Variants in NCBP1 observed in about 807,000 individuals in gnomAD.
NCBP1 encodes nuclear cap-binding protein subunit 1.
Under a neutral mutation model 111.7 loss-of-function variants are expected in NCBP1, and 16 were observed. The ratio of observed to expected loss-of-function variants is 0.14; its 90% CI spans 0.10 to 0.22. The LOEUF is 0.22. NCBP1 is among the 10% of genes least tolerant of loss of function. The pLI is 1.00. For missense variants in NCBP1, 607 were observed against 957.5 expected (o/e 0.63, Z 4.83); for synonymous variants, 304 against 314.3 (o/e 0.97, Z 0.35).
chr9:97,665,043 G>C (rs947894367), intron 19 of NCBP1, among the ~76,000 whole-genome samples: 1 of 152,210 alleles, frequency 6.6e-6, no homozygotes, highest in Non-Finnish European at 1.5e-5. Context: ...ACAGCTGATA[G>C]GACCAGGGCA....
intron 7 of NCBP1, 118 bp downstream of exon 7, chr9:97,647,679 G>C: frequency 1.2e-6 from 1 of 848,202 alleles, no homozygotes; most frequent in Non-Finnish European, 1.9e-6. Flanking sequence ...TACATTTCAT[G>C]ATAGTTCCTT....
chr9:97,671,089 C>A lies in NCBP1; in HGVS notation c.2263C>A (p.His755Asn). The change falls in exon 23 of 23, where the codon CAC (histidine) becomes AAC (asparagine). Residue 755 changes from histidine to asparagine, a missense_variant. Coordinates refer to ENST00000375147, the MANE Select transcript of NCBP1 (RefSeq NM_002486.5). ...ACCCCCTTTTGTGTGTCCACAGCAT[C>A]ACCAAATAATCCAGCAGTACATGGT... is the stretch of plus-strand genomic sequence containing the variant. The part of the protein sequence containing the change: ...ERLQQIFLQH[H>N]QIIQQYMVTL... The A allele has an allele frequency of 3.1e-6, 5 of 1,602,906 alleles. No homozygotes were observed. Among genetic ancestry groups the A allele is most frequent in the Non-Finnish European group, 4.3e-6 (5 of 1,170,020 alleles).
At chr9:97,666,979 C>T (rs1828023633) in intron 20 of NCBP1, 102 bp downstream of exon 20, 2 of 905,402 alleles carry the variant, frequency 2.2e-6, no homozygotes, top group Non-Finnish European at 3.2e-6. Flanking sequence ...TTTTTCTGAG[C>T]CCAAATTAAT....
At chr9:97,643,879 T>G (rs1827266878) in intron 4 of NCBP1, among the ~76,000 whole-genome samples, 1 of 152,152 alleles carries the variant, frequency 6.6e-6, no homozygotes, top group South Asian at 2.1e-4. Context: ...TGCATCTAGA[T>G]TCTCTGCTTT....
Position 97,666,866 on chromosome 9 carries a change from C to G in NCBP1, c.2005C>G (p.Gln669Glu). The change falls in exon 20 of 23, where the codon CAA (glutamine) becomes GAA (glutamate). Residue 669 changes from glutamine to glutamate, a missense_variant. Physicochemically the swap from Gln to Glu is conservative, Grantham distance 29 (BLOSUM62 2). Around this residue, in one of 9 missense-constraint regions of NCBP1, gnomAD observed 282 missense variants for 376.5 expected, o/e 0.75. Coordinates refer to ENST00000375147, the MANE Select transcript of NCBP1 (RefSeq NM_002486.5). ...LEEAKEKLAR[Q>E]HKRRSDDDDR... ...AGAAGCTAAAGAGAAACTTGCTAGG[C>G]AACACAAACGGGTAAGTTTTGTGTA... The G allele has an allele frequency of 6.2e-7, 1 of 1,601,456 alleles. No individual in the cohort carries two copies. Among genetic ancestry groups the G allele is most frequent in the Non-Finnish European group, 8.5e-7 (1 of 1,174,304 alleles).
intron 18 of NCBP1, 43 bp from the exon 19 acceptor site, chr9:97,664,297 G>T: frequency 2.4e-6 from 3 of 1,229,916 alleles, no homozygotes; most frequent in Non-Finnish European, 3.6e-6. Flanking sequence ...ATATGTGTGT[G>T]TATGTGTGTG....
At chr9:97,654,803 T>C in intron 11 of NCBP1, 77 bp from the exon 12 acceptor site, 1 of 1,247,434 alleles carries the variant, frequency 8.0e-7, no homozygotes, top group Non-Finnish European at 1.2e-6. Flanking sequence ...ACTTGAAATG[T>C]TTTATTTCTA....
chr9:97,669,255 C>T (rs1035148950), intron 21 of NCBP1, among the ~76,000 whole-genome samples: 9 of 151,628 alleles, frequency 5.9e-5, no homozygotes, highest in African/African-American at 2.2e-4. Flanking sequence ...TTTAATTATT[C>T]CTCATTGCTG....
chr9:97,643,811 T>A (rs72751545), intron 4 of NCBP1, among the ~76,000 whole-genome samples: 25 of 152,290 alleles, frequency 1.6e-4, no homozygotes, highest in Admixed American at 1.0e-3. Flanking sequence ...CTCCAGGGCC[T>A]CTAGCATAGT....
chr9:97,666,735 C>T (rs759037069), intron 19 of NCBP1, 28 bp from the exon 20 acceptor site: 2 of 1,423,812 alleles, frequency 1.4e-6, no homozygotes, highest in East Asian at 2.4e-5. Context: ...GCTTGACATA[C>T]AGTAACCAAA....
chr9:97,642,694 G>A (rs754261941), intron 3 of NCBP1, among the ~76,000 whole-genome samples: 18 of 152,030 alleles, frequency 1.2e-4, no homozygotes, highest in South Asian at 2.1e-4. Context: ...GATGAAACTC[G>A]TTTTAATTGT....
intron 14 of NCBP1, 53 bp from the exon 15 acceptor site, chr9:97,658,587 C>T (rs950157658): frequency 5.0e-6 from 7 of 1,386,728 alleles, no homozygotes; most frequent in Admixed American, 1.7e-5. Context: ...CGGGTGTTAC[C>T]GAAGAATGGG....
rs779166421 is a variant in NCBP1 at position 97,668,904 on chromosome 9, T to C, written c.2075T>C (p.Ile692Thr). The change falls in exon 21 of 23, where the codon ATA (isoleucine) becomes ACA (threonine). Residue 692 changes from isoleucine to threonine, a missense_variant. This residue lies in a region of NCBP1 where 282 missense variants were observed against 376.5 expected (regional missense o/e 0.75). Transcript: ENST00000375147. ...AAAGACGGGGTTCTTGAGGAACAAA[T>C]AGAACGACTTCAGGAAAAAGTGGAA... ...DRKDGVLEEQIERLQEKVESA... is the reference protein window; with the variant it reads ...DRKDGVLEEQTERLQEKVESA... 4 of 1,613,562 alleles carry C rather than the reference T, an allele frequency of 2.5e-6. No individual in the cohort carries two copies. Among genetic ancestry groups the C allele is most frequent in the Non-Finnish European group, 8.5e-7 (1 of 1,179,604 alleles).
intron 19 of NCBP1, among the ~76,000 whole-genome samples, chr9:97,665,552 C>A (rs905107571): frequency 3.3e-5 from 5 of 152,236 alleles, no homozygotes; most frequent in African/African-American, 1.2e-4. Context: ...ACTCTGCAAA[C>A]CTTTCCCTGA....
Position 97,647,989 on chromosome 9 carries a change from A to C in NCBP1, c.682-19A>C. 1 of 1,557,648 alleles carries C rather than the reference A, an allele frequency of 6.4e-7. No individual in the cohort carries two copies. The highest frequency in any genetic ancestry group is 8.8e-7 in the Non-Finnish European group (1 of 1,141,804). ...AAAATGTTAATTATATTAATGATTA[A>C]AAATTAATCTGTCTTTAGTATTTAG... is the stretch of plus-strand genomic sequence containing the variant. On this transcript the variant is annotated intron_variant, in intron 7 of 22. Coordinates refer to ENST00000375147, the MANE Select transcript of NCBP1 (RefSeq NM_002486.5).
At position 97,660,931 on chromosome 9, in the gene NCBP1, C is replaced by G. The variant is rs756368788; in HGVS notation, c.1478-15C>G. ...CCTGATCTGTCATTCCCCTTACCCC[C>G]AATTCTGTGTTTAGATTCTCTTCCT... On this transcript the variant is annotated splice_polypyrimidine_tract_variant and intron_variant, in intron 15 of 22. Coordinates refer to ENST00000375147, the MANE Select transcript of NCBP1 (RefSeq NM_002486.5). 1 of 1,604,706 alleles carries G rather than the reference C, an allele frequency of 6.2e-7. No individual in the cohort carries two copies. Among genetic ancestry groups the G allele is most frequent in the Non-Finnish European group, 8.5e-7 (1 of 1,175,800 alleles).
intron 17 of NCBP1, 40 bp from the exon 18 acceptor site, chr9:97,662,914 A>G (rs1220776529): frequency 1.4e-6 from 2 of 1,405,780 alleles, no homozygotes; most frequent in Non-Finnish European, 2.0e-6. Context: ...TGTTTAATGA[A>G]TAAGTATATA....
intron 1 of NCBP1, among the ~76,000 whole-genome samples, chr9:97,636,475 ATATT>A (rs1180534326): frequency 6.8e-6 from 1 of 146,144 alleles, no homozygotes; most frequent in Admixed American, 6.9e-5. Context: ...TGTATTATAT[ATATT>A]TATATATTAT....
rs1380665329 is a variant in NCBP1 at position 97,668,966 on chromosome 9, A to G, written c.2137A>G (p.Ile713Val). The G allele has an allele frequency of 3.7e-6, 6 of 1,609,650 alleles. No homozygotes were observed. The highest frequency in any genetic ancestry group is 4.2e-6 in the Non-Finnish European group (5 of 1,178,368). ...QSEQKNLFLVIFQRFIMILTE... is the reference protein window; with the variant it reads ...QSEQKNLFLVVFQRFIMILTE... Reference sequence around the variant, plus strand: ...TGAACAAAAGAATCTTTTCCTCGTTATATTTCAGGTATCTTGGCTTGGGAC... The same window carrying G: ...TGAACAAAAGAATCTTTTCCTCGTTGTATTTCAGGTATCTTGGCTTGGGAC... Residue 713 changes from isoleucine to valine, a missense_variant, in exon 21 of 23, where the codon ATA (isoleucine) becomes GTA (valine). Around this residue, in one of 9 missense-constraint regions of NCBP1, gnomAD observed 282 missense variants for 376.5 expected, o/e 0.75. Coordinates refer to ENST00000375147, the MANE Select transcript of NCBP1 (RefSeq NM_002486.5).
Sources: gnomAD v4.1 joint callset for allele counts (sites outside exome capture counted in the v4.1 genomes callset) on GRCh38, gnomAD v4.1.1 for gene constraint, gnomAD v4.1.1 regional missense constraint, MANE v1.5 for transcripts, NCBI Gene and HGNC (gene_info 2026-07-23, HGNC 2026-07-21) for gene names.